The following SLC24A3 variants were observed in gnomAD, a reference collection of about 807,000 sequenced individuals.
SLC24A3 encodes sodium/potassium/calcium exchanger 3.
A neutral mutation model predicts 75.8 loss-of-function variants in SLC24A3; 28 were observed. That is an observed-to-expected ratio of 0.37 (90% CI 0.27 to 0.51). SLC24A3 has a LOEUF of 0.51. Ranked by LOEUF, SLC24A3 falls within the 20% of genes least tolerant of loss-of-function variation. SLC24A3 has a pLI of 0.94. For synonymous variants in SLC24A3, 372 were observed against 334.1 expected (o/e 1.11, Z -1.24); for missense variants, 663 against 847.8 (o/e 0.78, Z 2.71).
At chr20:19,474,781 G>T (rs749285093) in intron 2 of SLC24A3, among the ~76,000 whole-genome samples, 1 of 152,082 alleles carries the variant, frequency 6.6e-6, no homozygotes, top group Non-Finnish European at 1.5e-5. Flanking sequence ...CAATTGTACA[G>T]CATCTCATTA....
At chr20:19,478,048 T>G (rs373319315) in intron 2 of SLC24A3, among the ~76,000 whole-genome samples, 24 of 152,332 alleles carry the variant, frequency 1.6e-4, no homozygotes, top group African/African-American at 5.8e-4. Context: ...CAAGAAGTCC[T>G]CAGTCATTCT....
intron 6 of SLC24A3, among the ~76,000 whole-genome samples, chr20:19,653,321 G>T (rs2032228535): frequency 1.3e-5 from 2 of 152,182 alleles, no homozygotes; most frequent in South Asian, 4.1e-4. Flanking sequence ...TGTCAGCAGA[G>T]CCAGCATCTC....
chr20:19,550,944 T>C (rs576868303), intron 3 of SLC24A3, among the ~76,000 whole-genome samples: 29 of 151,538 alleles, frequency 1.9e-4, no homozygotes, highest in Middle Eastern at 6.8e-3. Context: ...CAAATGAGAG[T>C]GGTGAGGAAA....
intron 6 of SLC24A3, among the ~76,000 whole-genome samples, chr20:19,624,927 G>A (rs75481351): frequency 0.048 from 7,325 of 152,016 alleles, 602 homozygotes; most frequent in African/African-American, 0.17. Context: ...ATAATTTTTC[G>A]GGTCAGCAAT....
chr20:19,292,101 T>C (rs1007465012), intron 2 of SLC24A3, among the ~76,000 whole-genome samples: 59 of 152,360 alleles, frequency 3.9e-4, no homozygotes, highest in African/African-American at 1.4e-3. Context: ...TGTGGGACCC[T>C]GGACCAGCCG....
chr20:19,480,471 G>C (rs1246874953), intron 2 of SLC24A3, among the ~76,000 whole-genome samples: 1 of 152,158 alleles, frequency 6.6e-6, no homozygotes, highest in Non-Finnish European at 1.5e-5. Context: ...GCCTGAATTC[G>C]GGGTTAAAAA....
chr20:19,719,733 A>T (rs917845552), intron 16 of SLC24A3, among the ~76,000 whole-genome samples: 1 of 152,214 alleles, frequency 6.6e-6, no homozygotes, highest in Non-Finnish European at 1.5e-5. Flanking sequence ...ACCCTGATGG[A>T]CAGCTGCGTG....
Position 19,513,225 on chromosome 20 carries a change from T to C in SLC24A3, c.272-2263T>C, listed in dbSNP as rs564082132. Among the ~76,000 whole-genome samples, 24 of 152,312 alleles carry C rather than the reference T, an allele frequency of 1.6e-4. No homozygotes were observed. In the South Asian group the frequency reaches 2.1e-3, roughly 13 times the overall value. On this transcript the variant is annotated intron_variant, in intron 2 of 16. Coordinates refer to ENST00000328041, the MANE Select transcript of SLC24A3 (RefSeq NM_020689.4). The stretch of plus-strand genomic sequence containing the variant: ...GAAGAAGTCAGAGGGCAGAATGGAA[T>C]TGCAGATCCATGCAGTAGGGGGGTG...
intron 2 of SLC24A3, among the ~76,000 whole-genome samples, chr20:19,462,401 CG>C (rs1987694284): frequency 6.6e-6 from 1 of 151,880 alleles, no homozygotes; most frequent in African/African-American, 2.4e-5. Context: ...GGACTACGGG[CG>C]CCTGACACCA....
At chr20:19,285,728 A>G (rs1983800453) in intron 2 of SLC24A3, among the ~76,000 whole-genome samples, 1 of 151,596 alleles carries the variant, frequency 6.6e-6, no homozygotes, top group African/African-American at 2.4e-5. Flanking sequence ...TCTTTTGGCA[A>G]GTAACACTTG....
rs145974085 is a variant in SLC24A3 at position 19,220,147 on chromosome 20, G to A, written c.142+7163G>A. ...AGCTCCAGGAAACAAGGAAAGACCT[G>A]TGTCATTCCTGGAACTGTCTGAACC... On this transcript the variant is annotated intron_variant, in intron 1 of 16. Coordinates refer to ENST00000328041, the MANE Select transcript of SLC24A3 (RefSeq NM_020689.4). Among the ~76,000 whole-genome samples, 469 of 152,292 alleles carry A rather than the reference G, an allele frequency of 3.1e-3. 2 individuals are homozygous for A. Among genetic ancestry groups the A allele is most frequent in the African/African-American group, 0.011 (455 of 41,540 alleles).
At chr20:19,719,316 T>C (rs1316239796) in intron 16 of SLC24A3, among the ~76,000 whole-genome samples, 1 of 152,210 alleles carries the variant, frequency 6.6e-6, no homozygotes, top group African/African-American at 2.4e-5. Context: ...GGAAAAAAAG[T>C]GTTATTTTAA....
intron 2 of SLC24A3, among the ~76,000 whole-genome samples, chr20:19,438,941 A>C (rs1402161025): frequency 6.6e-6 from 1 of 152,226 alleles, no homozygotes; most frequent in Non-Finnish European, 1.5e-5. Flanking sequence ...TGACTGCCTG[A>C]GGCACTGTAA....
chr20:19,580,707 T>G (rs1278482645), intron 4 of SLC24A3, among the ~76,000 whole-genome samples: 1 of 152,386 alleles, frequency 6.6e-6, no homozygotes, highest in South Asian at 2.1e-4. Context: ...CTTTCATCTC[T>G]GTCTGTTTGG....
At chr20:19,720,191 A>C (rs1462398679) in intron 16 of SLC24A3, among the ~76,000 whole-genome samples, 3 of 152,234 alleles carry the variant, frequency 2.0e-5, no homozygotes, top group African/African-American at 7.2e-5. Context: ...TAGCACTTGA[A>C]ATGTGGAGCT....
intron 2 of SLC24A3, among the ~76,000 whole-genome samples, chr20:19,410,498 A>C (rs909835322): frequency 9.2e-5 from 14 of 152,162 alleles, no homozygotes; most frequent in Admixed American, 9.2e-4. Flanking sequence ...GAAAGAGAAC[A>C]CTCAGGGACA....
At chr20:19,263,563 G>A (rs936588287) in intron 1 of SLC24A3, among the ~76,000 whole-genome samples, 3 of 152,302 alleles carry the variant, frequency 2.0e-5, no homozygotes, top group East Asian at 1.9e-4. Flanking sequence ...TTTCTCAGGC[G>A]CAGGTGGTGG....
rs572729058 is a variant in SLC24A3, at chr20:19,479,935, G to A, written c.272-35553G>A. Among the ~76,000 whole-genome samples the A allele has an allele frequency of 1.1e-3, 169 of 152,278 alleles. 1 individual carries two copies. The highest frequency in any genetic ancestry group is 6.8e-3 in the Middle Eastern group (2 of 294). On this transcript the variant is annotated intron_variant, in intron 2 of 16. Coordinates refer to ENST00000328041, the MANE Select transcript of SLC24A3 (RefSeq NM_020689.4). The stretch of plus-strand genomic sequence containing the variant: ...TTAAAGGGCCTTGGCCTCAATACCC[G>A]CTCATTCCAGGGACTTGAACAAGCT...
At chr20:19,658,960 C>A (rs2032296158) in intron 7 of SLC24A3, among the ~76,000 whole-genome samples, 1 of 152,206 alleles carries the variant, frequency 6.6e-6, no homozygotes, top group Admixed American at 6.5e-5. Context: ...CTGTAATTTA[C>A]ATAATGAGGT....
Sources: gnomAD v4.1 joint callset for allele counts (sites outside exome capture counted in the v4.1 genomes callset) on GRCh38, gnomAD v4.1.1 for gene constraint, MANE v1.5 for transcripts, NCBI Gene and HGNC (gene_info 2026-07-23, HGNC 2026-07-21) for gene names.